FAM135B: variants seen among roughly 807,000 people sequenced by gnomAD.
The protein encoded by FAM135B is protein FAM135B.
Under a neutral mutation model 127.7 loss-of-function variants are expected in FAM135B, and 43 were observed. That is an observed-to-expected ratio of 0.34 (90% CI 0.26 to 0.43). The LOEUF (loss-of-function observed/expected upper bound fraction) is 0.43. Among genes scored for constraint, FAM135B ranks in the 20% least tolerant of loss-of-function variants. FAM135B has a pLI of 1.00. For synonymous variants in FAM135B, 670 were observed against 665.1 expected, an observed-to-expected ratio of 1.01 and a Z score of -0.11; for missense variants, 1,558 against 1,725.6, an observed-to-expected ratio of 0.90 and a Z score of 1.72.
At chr8:138,431,321 T>C (rs1478990026) in intron 1 of FAM135B, among the ~76,000 whole-genome samples, 3 of 152,142 alleles carry the variant, frequency 2.0e-5, no homozygotes, top group Admixed American at 1.3e-4. Flanking sequence ...AACAAGTAAA[T>C]AATTTCTCAT....
chr8:138,416,614 T>C (rs1331695736), intron 1 of FAM135B, among the ~76,000 whole-genome samples: 2 of 152,172 alleles, frequency 1.3e-5, no homozygotes, highest in Non-Finnish European at 2.9e-5. Context: ...GTATGTCAGA[T>C]ATTCTTCTAA....
chr8:138,351,683 CTTTTTTTT>C (rs889424592), intron 2 of FAM135B, among the ~76,000 whole-genome samples: 3 of 109,474 alleles, frequency 2.7e-5, no homozygotes, highest in African/African-American at 1.0e-4. Context: ...TAGGGCAGAT[CTTTTTTTT>C]TTTTTTTTTT....
At chr8:138,168,352 C>G (rs574785468) in intron 11 of FAM135B, among the ~76,000 whole-genome samples, 1 of 152,204 alleles carries the variant, frequency 6.6e-6, no homozygotes, top group East Asian at 1.9e-4. Flanking sequence ...GGAAAGCAAG[C>G]TGAGTTTTTA....
chr8:138,224,053 G>A (rs922659158), intron 7 of FAM135B, among the ~76,000 whole-genome samples: 3 of 151,966 alleles, frequency 2.0e-5, no homozygotes, highest in Non-Finnish European at 4.4e-5. Context: ...GGGGGGCAAG[G>A]GTTGAAAAAT....
At chr8:138,461,461 C>A (rs147524181) in intron 1 of FAM135B, among the ~76,000 whole-genome samples, 151 of 152,262 alleles carry the variant, frequency 9.9e-4, no homozygotes, top group African/African-American at 3.4e-3. Context: ...AGGCAGAGTA[C>A]ACACACAATA....
At chr8:138,473,662 C>G (rs778441431) in intron 1 of FAM135B, among the ~76,000 whole-genome samples, 1 of 152,160 alleles carries the variant, frequency 6.6e-6, no homozygotes, top group African/African-American at 2.4e-5. Flanking sequence ...ATGCTAAAGA[C>G]AGCTATTGAT....
At chr8:138,282,797 T>C (rs112618231) in intron 3 of FAM135B, among the ~76,000 whole-genome samples, 2 of 152,308 alleles carry the variant, frequency 1.3e-5, no homozygotes, top group African/African-American at 4.8e-5. Context: ...CTATGCAACA[T>C]CTTACCATGT....
intron 1 of FAM135B, among the ~76,000 whole-genome samples, chr8:138,373,800 G>C (rs972923658): frequency 6.6e-6 from 1 of 152,048 alleles, no homozygotes; most frequent in African/African-American, 2.4e-5. Context: ...ATAAGCCCCA[G>C]TCTCCCGTAG....
intron 7 of FAM135B, among the ~76,000 whole-genome samples, chr8:138,229,854 G>A (rs1819778344): frequency 6.6e-6 from 1 of 151,880 alleles, no homozygotes; most frequent in Non-Finnish European, 1.5e-5. Flanking sequence ...AAAACCATCA[G>A]CTCTCGTGAG....
intron 2 of FAM135B, among the ~76,000 whole-genome samples, chr8:138,354,073 T>C (rs1829937969): frequency 6.6e-6 from 1 of 152,140 alleles, no homozygotes. Flanking sequence ...CAGTCCTCAA[T>C]TATTCTCCTT....
At chr8:138,335,448 G>T (rs889322961) in intron 2 of FAM135B, among the ~76,000 whole-genome samples, 16 of 152,124 alleles carry the variant, frequency 1.1e-4, no homozygotes, top group Admixed American at 1.0e-3. Flanking sequence ...AAAGGCAGGG[G>T]TTGCAATCCT....
chr8:138,265,610 A>C, intron 4 of FAM135B, 93 bp downstream of exon 4: 1 of 1,436,150 alleles, frequency 7.0e-7, no homozygotes. Flanking sequence ...AAGTAAACCC[A>C]TACCTTCTTC....
At position 138,172,353 on chromosome 8, in the gene FAM135B, C is replaced by T. The variant is rs150176566; in HGVS notation, c.1104-4304G>A. Reference sequence around the variant, plus strand: ...CTAGATCTTTGGTGCAGCATTCAGGCTGTGTCTGGCCTCAGGGCCTTTGCC... The same window carrying T: ...CTAGATCTTTGGTGCAGCATTCAGGTTGTGTCTGGCCTCAGGGCCTTTGCC... On this transcript the variant is annotated intron_variant, in intron 11 of 19. Coordinates refer to ENST00000395297, the MANE Select transcript of FAM135B (RefSeq NM_015912.4). Among the ~76,000 whole-genome samples, 6 of 152,342 alleles carry T rather than the reference C, an allele frequency of 3.9e-5. No homozygotes were observed. The East Asian group carries it at 1.2e-3, about 29-fold the overall frequency.
intron 7 of FAM135B, among the ~76,000 whole-genome samples, chr8:138,207,173 T>G (rs551612727): frequency 3.9e-4 from 60 of 152,184 alleles, no homozygotes; most frequent in Non-Finnish European, 6.5e-4. Flanking sequence ...TCAGCTACTT[T>G]TACATAGACG....
At chr8:138,421,736 T>C (rs1441473432) in intron 1 of FAM135B, among the ~76,000 whole-genome samples, 1 of 152,204 alleles carries the variant, frequency 6.6e-6, no homozygotes, top group Non-Finnish European at 1.5e-5. Context: ...GATTCAATGC[T>C]ATTTTTATCA....
At chr8:138,405,301 T>C (rs112329128) in intron 1 of FAM135B, among the ~76,000 whole-genome samples, 11,177 of 149,780 alleles carry the variant, frequency 0.075, 545 homozygotes, top group East Asian at 0.19. Flanking sequence ...ACATGTGCCA[T>C]GCTGGTGTGC....
chr8:138,258,199 T>C (rs575135375), intron 4 of FAM135B, among the ~76,000 whole-genome samples: 6 of 152,336 alleles, frequency 3.9e-5, no homozygotes, highest in African/African-American at 1.4e-4. Context: ...AATAAAGCTC[T>C]TTCCCAATCC....
intron 1 of FAM135B, among the ~76,000 whole-genome samples, chr8:138,415,734 C>A (rs903559679): frequency 1.3e-5 from 2 of 152,170 alleles, no homozygotes; most frequent in Non-Finnish European, 2.9e-5. Context: ...CTAATCAAGA[C>A]AATATGGCCC....
At chr8:138,344,577 C>CTTTTTTTTTTTTTTT (rs869039075) in intron 2 of FAM135B, among the ~76,000 whole-genome samples, 3 of 83,934 alleles carry the variant, frequency 3.6e-5, no homozygotes, top group African/African-American at 7.8e-5. Flanking sequence ...TTCTTTCTTT[C>CTTTTTTTTTTTTTTT]TTTTTTTTTT....
Sources: gnomAD v4.1 joint callset for allele counts (sites outside exome capture counted in the v4.1 genomes callset) on GRCh38, gnomAD v4.1.1 for gene constraint, MANE v1.5 for transcripts, NCBI Gene and HGNC (gene_info 2026-07-23, HGNC 2026-07-21) for gene names.